Variants in SPHKAP observed in about 807,000 individuals in gnomAD.
SPHKAP encodes the protein A-kinase anchor protein SPHKAP.
Under a neutral mutation model 137.5 loss-of-function variants are expected in SPHKAP, and 67 were observed. The ratio of observed to expected loss-of-function variants is 0.49; its 90% CI spans 0.40 to 0.60. The LOEUF is 0.60. Among genes scored for constraint, SPHKAP ranks in the 20% least tolerant of loss-of-function variants. The pLI is 0.00. For synonymous variants in SPHKAP, 813 were observed against 785.3 expected (o/e 1.04, Z -0.59); for missense variants, 2,097 against 2,069.3 (o/e 1.01, Z -0.26).
At chr2:227,994,612 GA>G (rs1461639766) in intron 8 of SPHKAP, among the ~76,000 whole-genome samples, 1 of 152,172 alleles carries the variant, frequency 6.6e-6, no homozygotes, top group East Asian at 1.9e-4. Flanking sequence ...CTTAGCTTTT[GA>G]GGGGGGCACC....
intron 3 of SPHKAP, among the ~76,000 whole-genome samples, chr2:228,093,141 G>A (rs544921181): frequency 5.3e-5 from 8 of 152,212 alleles, no homozygotes; most frequent in Non-Finnish European, 2.9e-5. Flanking sequence ...AAGTTTTGGT[G>A]AAGTAGGGAG....
At chr2:228,113,508 C>T (rs1024621911) in intron 2 of SPHKAP, among the ~76,000 whole-genome samples, 2 of 151,666 alleles carry the variant, frequency 1.3e-5, no homozygotes, top group Non-Finnish European at 2.9e-5. Flanking sequence ...AGTCAGGCTC[C>T]CAGACATTAG....
intron 2 of SPHKAP, chr2:228,109,425 G>T: frequency 1.0e-6 from 1 of 955,076 alleles, no homozygotes; most frequent in Non-Finnish European, 1.2e-6. Context: ...AACACCTAAG[G>T]TACTATGTTA....
intron 1 of SPHKAP, among the ~76,000 whole-genome samples, chr2:228,141,221 T>C (rs1699597166): frequency 6.6e-6 from 1 of 152,228 alleles, no homozygotes; most frequent in African/African-American, 2.4e-5. Flanking sequence ...TTCTACCAGT[T>C]ACTAGAGAGA....
intron 3 of SPHKAP, among the ~76,000 whole-genome samples, chr2:228,071,998 G>C (rs552587053): frequency 2.6e-5 from 4 of 152,270 alleles, no homozygotes; most frequent in African/African-American, 7.2e-5. Context: ...ATTGAATCAG[G>C]GGACTGAGCA....
chr2:228,144,290 C>T (rs1276262289), intron 1 of SPHKAP, among the ~76,000 whole-genome samples: 1 of 152,022 alleles, frequency 6.6e-6, no homozygotes, highest in African/African-American at 2.4e-5. Flanking sequence ...ATTTTATGTG[C>T]CTCTCCTTGT....
chr2:228,051,664 A>G lies in SPHKAP; in HGVS notation c.247-24121T>C, dbSNP rs141846634. ...TGTCTACTGCTATTATTAGAACTCA[A>G]TGGTTGATTCTTGTCTTAGTCTGTT... On this transcript the variant is annotated intron_variant, in intron 3 of 11. Coordinates refer to ENST00000392056, the MANE Select transcript of SPHKAP (RefSeq NM_001142644.2). Among the ~76,000 whole-genome samples, 209 of 152,306 alleles carry G rather than the reference A, an allele frequency of 1.4e-3. 2 individuals are homozygous for G. The East Asian group carries it at 0.035, about 25-fold the overall frequency.
intron 3 of SPHKAP, among the ~76,000 whole-genome samples, chr2:228,082,753 A>C (rs1310936638): frequency 6.6e-6 from 1 of 152,204 alleles, no homozygotes; most frequent in Non-Finnish European, 1.5e-5. Context: ...TGCATCATTC[A>C]AGTTAGCCTT....
chr2:228,121,236 G>T (rs1387042404), intron 2 of SPHKAP, among the ~76,000 whole-genome samples: 1 of 152,188 alleles, frequency 6.6e-6, no homozygotes, highest in Non-Finnish European at 1.5e-5. Flanking sequence ...ATGGCTGGCT[G>T]CAGTGACTCC....
At chr2:228,000,206 G>A (rs1413670604) in intron 7 of SPHKAP, among the ~76,000 whole-genome samples, 2 of 152,220 alleles carry the variant, frequency 1.3e-5, no homozygotes, top group African/African-American at 4.8e-5. Flanking sequence ...TTGGCCAGGA[G>A]CGGTGGCTCA....
intron 3 of SPHKAP, among the ~76,000 whole-genome samples, chr2:228,038,261 A>G (rs1310537740): frequency 6.6e-6 from 1 of 152,212 alleles, no homozygotes; most frequent in Non-Finnish European, 1.5e-5. Flanking sequence ...CATGAATGGT[A>G]TCCAGGAGAA....
At chr2:228,142,115 G>GTTTACAGTTAAAGGCAGTCATATGAAA (rs1699623904) in intron 1 of SPHKAP, among the ~76,000 whole-genome samples, 1 of 152,074 alleles carries the variant, frequency 6.6e-6, no homozygotes, top group African/African-American at 2.4e-5. Context: ...CATGTTGATC[G>GTTTACAGTTAAAGGCAGTCATATGAAA]TTTACAGTTA....
chr2:228,150,523 C>G (rs1209315016), intron 1 of SPHKAP, among the ~76,000 whole-genome samples: 1 of 151,878 alleles, frequency 6.6e-6, no homozygotes, highest in South Asian at 2.1e-4. Context: ...CTCAAAATTG[C>G]CTGTTTTATC....
intron 3 of SPHKAP, among the ~76,000 whole-genome samples, chr2:228,051,629 A>G (rs1256169824): frequency 1.3e-5 from 2 of 152,242 alleles, no homozygotes; most frequent in Admixed American, 6.5e-5. Context: ...ACCCAGGTGA[A>G]GTACACTGCT....
At chr2:228,042,245 G>A (rs887444341) in intron 3 of SPHKAP, among the ~76,000 whole-genome samples, 1 of 152,116 alleles carries the variant, frequency 6.6e-6, no homozygotes, top group Non-Finnish European at 1.5e-5. Flanking sequence ...TCATCTGGAC[G>A]GAGTTCTTAC....
chr2:228,168,505 G>T (rs1450148478), intron 1 of SPHKAP, among the ~76,000 whole-genome samples: 2 of 152,088 alleles, frequency 1.3e-5, no homozygotes, highest in African/African-American at 2.4e-5. Flanking sequence ...TGTGATTAGT[G>T]ATCTTTGATG....
chr2:228,081,795 G>C (rs924599552), intron 3 of SPHKAP, among the ~76,000 whole-genome samples: 1 of 152,162 alleles, frequency 6.6e-6, no homozygotes, highest in African/African-American at 2.4e-5. Context: ...CTGAGAATGA[G>C]GGTGGGGTTG....
At position 228,021,919 on chromosome 2, in the gene SPHKAP, G is replaced by T. The variant is rs202237529; in HGVS notation, c.489C>A (p.Asn163Lys). 1.2e-6 allele frequency: 2 copies of T among 1,613,808 alleles called. No homozygotes were observed. ...DICLVQCARGNRPNSTNCIIF... is the reference protein window; with the variant it reads ...DICLVQCARGKRPNSTNCIIF... ...TGATGCAGTTGGTACTGTTTGGTCT[G>T]TTCCCTCTTGCACATTGGACCAAGC... Residue 163 changes from asparagine (N) to lysine (K), a missense_variant, in exon 6 of 12, where the codon AAC (asparagine) becomes AAA (lysine). By Grantham distance (94) the Asn-to-Lys change is moderately conservative (BLOSUM62 0). Transcript: ENST00000392056.
chr2:228,154,504 CTCTCTCTCTATA>C (rs1396823785), intron 1 of SPHKAP, among the ~76,000 whole-genome samples: 1 of 28,084 alleles, frequency 3.6e-5, no homozygotes, highest in East Asian at 1.7e-3. Flanking sequence ...CTCTCTCTCT[CTCTCTCTCTATA>C]TATATATATA....
Sources: allele counts gnomAD v4.1 joint callset (sites outside exome capture counted in the v4.1 genomes callset), GRCh38; gene constraint gnomAD v4.1.1; transcripts MANE v1.5; gene names NCBI Gene and HGNC (gene_info 2026-07-23, HGNC 2026-07-21).